NDUFA5: variants seen among roughly 807,000 people sequenced by gnomAD.
NDUFA5 encodes NADH:ubiquinone oxidoreductase subunit A5, also known as NADH dehydrogenase [ubiquinone] 1 alpha subcomplex subunit 5.
A neutral mutation model predicts 19.8 loss-of-function variants in NDUFA5; 11 were observed. The ratio of observed to expected loss-of-function variants is 0.56; its 90% CI spans 0.35 to 0.92. The LOEUF is 0.92. Ranked by LOEUF, NDUFA5 falls within the 40% of genes least tolerant of loss-of-function variation. NDUFA5 has a pLI of 0.01. For synonymous variants in NDUFA5, 47 were observed against 46.8 expected, an observed-to-expected ratio of 1.00 and a Z score of -0.01; for missense variants, 109 against 134.2, an observed-to-expected ratio of 0.81 and a Z score of 0.93.
chr7:123,574,888 T>G, the NDUFA5 span, among the ~76,000 whole-genome samples: 1 of 152,242 alleles, frequency 6.6e-6, no homozygotes, highest in Middle Eastern at 3.4e-3. Flanking sequence ...AAGACTTTAC[T>G]GGATCTACAT....
At chr7:123,546,567 C>T (rs1385953721) in intron 3 of NDUFA5, 5 of 833,438 alleles carry the variant, frequency 6.0e-6, no homozygotes, top group Non-Finnish European at 8.1e-6. Context: ...AAATCATGCT[C>T]TGTAAATATA....
At chr7:123,586,459 T>C in the NDUFA5 span, among the ~76,000 whole-genome samples, 1 of 151,868 alleles carries the variant, frequency 6.6e-6, no homozygotes, top group African/African-American at 2.4e-5. Flanking sequence ...TATACATTCC[T>C]TATATATTTT....
the NDUFA5 span, among the ~76,000 whole-genome samples, chr7:123,570,354 T>C: frequency 6.6e-6 from 1 of 152,068 alleles, no homozygotes; most frequent in Non-Finnish European, 1.5e-5. Context: ...CTCTTATAAG[T>C]GGTGAAAGGT....
chr7:123,542,205 T>G lies in NDUFA5; in HGVS notation c.265A>C (p.Asn89His), dbSNP rs763197896. The stretch of plus-strand genomic sequence containing the variant: ...CATTCCCTCATTTTTCTTGCCAGAT[T>G]TAGTTCATGTTCAGCCTGTTAATAC... Reference protein sequence around the residue: ...EVILQAEHELNLARKMREWKL... With the variant: ...EVILQAEHELHLARKMREWKL... The change falls in exon 5 of 5, where the codon AAT becomes CAT. Residue 89 changes from asparagine to histidine, a missense_variant. Transcript: ENST00000355749. The G allele has an allele frequency of 6.2e-7, 1 of 1,611,750 alleles. No individual in the cohort carries two copies. Among genetic ancestry groups the G allele is most frequent in the South Asian group, 1.1e-5 (1 of 90,806 alleles).
intron 2 of NDUFA5, among the ~76,000 whole-genome samples, chr7:123,553,222 T>A (rs1395981322): frequency 6.6e-6 from 1 of 152,182 alleles, no homozygotes; most frequent in African/African-American, 2.4e-5. Flanking sequence ...GACTGGGTGA[T>A]TTATAAAGGA....
At chr7:123,571,035 T>TA in the NDUFA5 span, among the ~76,000 whole-genome samples, 1 of 152,198 alleles carries the variant, frequency 6.6e-6, no homozygotes, top group African/African-American at 2.4e-5. Flanking sequence ...CAAGAACCCC[T>TA]AGCTGTTCAA....
rs548090676 is a variant in NDUFA5 at position 123,539,795 on chromosome 7, T to C, written c.*2324A>G. On this transcript the variant is annotated 3_prime_UTR_variant, in exon 5 of 5. Transcript: ENST00000355749. ...CTGCCTATAACCTATATGCAGCTCT[T>C]TGCAGAAAATGAAATCGTTTACTAC... 83 of 152,348 alleles carry C rather than the reference T, an allele frequency of 5.4e-4. No homozygotes were observed. Among genetic ancestry groups the C allele is most frequent in the African/African-American group, 2.0e-3 (82 of 41,584 alleles). The allele number at this position is 152,348 out of a possible 1,614,324, so 9.4% of individuals were successfully genotyped here.
At chr7:123,584,402 A>T in the NDUFA5 span, among the ~76,000 whole-genome samples, 2 of 151,822 alleles carry the variant, frequency 1.3e-5, no homozygotes, top group African/African-American at 4.8e-5. Context: ...GCGGCTAGGC[A>T]TCAGTGTTTT....
intron 3 of NDUFA5, among the ~76,000 whole-genome samples, chr7:123,546,506 A>T (rs532394336): frequency 6.6e-6 from 1 of 152,284 alleles, no homozygotes; most frequent in South Asian, 2.1e-4. Flanking sequence ...AGTACCTAGA[A>T]CATTCAATGA....
At chr7:123,550,349 G>A in intron 3 of NDUFA5, 121 bp downstream of exon 3, 3 of 672,420 alleles carry the variant, frequency 4.5e-6, no homozygotes, top group Non-Finnish European at 2.6e-6. Context: ...GAGGAATGAT[G>A]GGAAAAGAGC....
intron 3 of NDUFA5, among the ~76,000 whole-genome samples, chr7:123,546,981 A>T (rs377381095): frequency 6.6e-6 from 1 of 152,196 alleles, no homozygotes; most frequent in East Asian, 1.9e-4. Flanking sequence ...AAGTGTCCTT[A>T]TAAGAGAGAG....
chr7:123,537,111 T>C lies in NDUFA5; in HGVS notation c.*5008A>G, dbSNP rs1797775809. 1 of 152,252 alleles carries C rather than the reference T, an allele frequency of 6.6e-6. No homozygotes were observed. The highest frequency in any genetic ancestry group is 1.5e-5 in the Non-Finnish European group (1 of 68,038). 9.4% of individuals were successfully genotyped at this position (152,252 alleles called of 1,614,324 possible). A position where few individuals can be genotyped will look rare whatever the true frequency, so the allele number is the denominator to read the frequency against. On this transcript the variant is annotated 3_prime_UTR_variant, in exon 5 of 5. Coordinates refer to ENST00000355749, the MANE Select transcript of NDUFA5 (RefSeq NM_005000.5). ...ACAATACCATTTTCCATTTTCCTTT[T>C]CATGATAAATCTATGCATTTTCTCA...
At position 123,550,448 on chromosome 7, in the gene NDUFA5, C is replaced by T. The variant is rs766384761; in HGVS notation, c.183+22G>A. 53 of 1,542,602 alleles carry T rather than the reference C, an allele frequency of 3.4e-5. No homozygotes were observed. The South Asian group carries it at 4.4e-4, about 13-fold the overall frequency. ...TTTGGTTAAATGTTACACAAGACAA[C>T]AAAACTGACTTAGCTACTTACCGCT... is the stretch of plus-strand genomic sequence containing the variant. On this transcript the variant is annotated intron_variant, in intron 3 of 4. Transcript: ENST00000355749.
upstream of NDUFA5, among the ~76,000 whole-genome samples, chr7:123,559,932 A>G (rs1242758582): frequency 6.6e-6 from 1 of 151,950 alleles, no homozygotes; most frequent in Admixed American, 6.6e-5. Flanking sequence ...TAAACACAAA[A>G]TACTCAGAAA....
At chr7:123,594,609 G>C in the NDUFA5 span, among the ~76,000 whole-genome samples, 2 of 152,306 alleles carry the variant, frequency 1.3e-5, no homozygotes, top group Admixed American at 1.3e-4. Flanking sequence ...ATCACCAGCA[G>C]AAGCTGCAGA....
the NDUFA5 span, among the ~76,000 whole-genome samples, chr7:123,585,510 T>C: frequency 6.6e-6 from 1 of 151,978 alleles, no homozygotes; most frequent in Non-Finnish European, 1.5e-5. Context: ...TATTGAGGTA[T>C]AATTAATAAA....
chr7:123,564,014 C>T, the NDUFA5 span, among the ~76,000 whole-genome samples: 1 of 152,188 alleles, frequency 6.6e-6, no homozygotes, highest in Non-Finnish European at 1.5e-5. Context: ...ATATTCTATA[C>T]TTCTGAATAA....
the NDUFA5 span, among the ~76,000 whole-genome samples, chr7:123,570,609 G>A: frequency 6.6e-6 from 1 of 152,248 alleles, no homozygotes; most frequent in South Asian, 2.1e-4. Flanking sequence ...CTACCCTTAG[G>A]CTTGAAATGA....
chr7:123,557,362 TC>T (rs1798596990), intron 2 of NDUFA5, 41 bp downstream of exon 2: 1 of 1,612,932 alleles, frequency 6.2e-7, no homozygotes, highest in Admixed American at 1.7e-5. Context: ...AATTTAGTCT[TC>T]CTTGGGAATT....
Sources: allele counts gnomAD v4.1 joint callset (sites outside exome capture counted in the v4.1 genomes callset), GRCh38; gene constraint gnomAD v4.1.1; transcripts MANE v1.5; gene names NCBI Gene and HGNC (gene_info 2026-07-23, HGNC 2026-07-21).